MEI4: variants seen among roughly 807,000 people sequenced by gnomAD.
MEI4 encodes meiosis-specific protein MEI4.
MEI4 carries 27 observed loss-of-function variants against 31.4 expected under a neutral mutation model. The observed-to-expected ratio is 0.86, with a 90% confidence interval of 0.63 to 1.19. MEI4 has a LOEUF of 1.19. Ranked by LOEUF, MEI4 falls within the 50% of genes most tolerant of loss-of-function variation. The probability of loss-of-function intolerance (pLI) is 0.00; values close to 1 mark genes in which losing one functional copy is unlikely to be tolerated. For missense variants in MEI4, 329 were observed against 398.9 expected (o/e 0.82, Z 1.49); for synonymous variants, 122 against 145.4 (o/e 0.84, Z 1.16).
At chr6:77,870,006 A>T (rs1473678666) in intron 4 of MEI4, among the ~76,000 whole-genome samples, 1 of 152,084 alleles carries the variant, frequency 6.6e-6, no homozygotes, top group African/African-American at 2.4e-5. Flanking sequence ...GGACACAGAC[A>T]TGTCACTGTC....
intron 4 of MEI4, among the ~76,000 whole-genome samples, chr6:77,845,182 G>A (rs1168705328): frequency 1.3e-5 from 2 of 152,034 alleles, no homozygotes; most frequent in South Asian, 2.1e-4. Context: ...GTGTTGAGGC[G>A]GTCAGGTAAA....
intron 4 of MEI4, among the ~76,000 whole-genome samples, chr6:77,894,443 C>T (rs1276421367): frequency 2.0e-5 from 3 of 151,952 alleles, no homozygotes; most frequent in Non-Finnish European, 2.9e-5. Context: ...ATACGGAATA[C>T]ATACAGCTTT....
chr6:77,665,788 A>C (rs541724855), intron 1 of MEI4, among the ~76,000 whole-genome samples: 7 of 152,148 alleles, frequency 4.6e-5, no homozygotes, highest in Non-Finnish European at 8.8e-5. Flanking sequence ...GAAGAGTGGA[A>C]AGAAGAAAGT....
At chr6:77,901,633 T>C (rs1766190818) in intron 4 of MEI4, among the ~76,000 whole-genome samples, 1 of 152,086 alleles carries the variant, frequency 6.6e-6, no homozygotes, top group South Asian at 2.1e-4. Flanking sequence ...AGGTATATGA[T>C]TTGAATATAT....
chr6:77,742,578 T>C (rs1767444354), intron 2 of MEI4, among the ~76,000 whole-genome samples: 1 of 152,230 alleles, frequency 6.6e-6, no homozygotes, highest in African/African-American at 2.4e-5. Context: ...GGTTGCCTAT[T>C]CACTCTGACG....
intron 4 of MEI4, among the ~76,000 whole-genome samples, chr6:77,849,561 G>A (rs540383570): frequency 4.6e-5 from 7 of 152,238 alleles, no homozygotes; most frequent in African/African-American, 7.2e-5. Flanking sequence ...TTATATAAGC[G>A]TTAGTTTCTT....
At position 77,922,373 on chromosome 6, in the gene MEI4, A is replaced by ATAAAC. The variant is rs1319660644; in HGVS notation, c.901-713_901-709dup. ...CCATTTCCTTGACTGTGGAATAGTG[A>ATAAAC]TAAACTATCTGCTCACCTCATAGGG... is the stretch of plus-strand genomic sequence containing the variant. On this transcript the variant is annotated intron_variant, in intron 4 of 4. Transcript: ENST00000684080. Among the ~76,000 whole-genome samples, 3 of 151,710 alleles carry ATAAAC rather than the reference A, an allele frequency of 2.0e-5. No homozygotes were observed. In the Admixed American group the frequency reaches 2.0e-4, roughly 10 times the overall value.
At chr6:77,749,558 A>C (rs1247822163) in intron 2 of MEI4, among the ~76,000 whole-genome samples, 1 of 152,326 alleles carries the variant, frequency 6.6e-6, no homozygotes, top group East Asian at 1.9e-4. Flanking sequence ...GTGAGAAAAC[A>C]AGATTAGAGA....
Position 77,736,624 on chromosome 6 carries a change from C to T in MEI4, c.233-24506C>T, listed in dbSNP as rs150025843. ...GTCGCTCATGCTGGGAGCTGTAGACCGGAGCTGTTCCTATTCGGCCATTTT... is the reference window on the plus strand; with the variant it reads ...GTCGCTCATGCTGGGAGCTGTAGACTGGAGCTGTTCCTATTCGGCCATTTT... On this transcript the variant is annotated intron_variant, in intron 2 of 4. Coordinates refer to ENST00000684080, the MANE Select transcript of MEI4 (RefSeq NM_001322247.2). 2.7e-3 allele frequency among the ~76,000 whole-genome samples: 411 copies of T among 152,154 alleles called. 3 individuals are homozygous for T. Among genetic ancestry groups the T allele is most frequent in the South Asian group, 3.9e-3 (19 of 4,826 alleles).
intron 4 of MEI4, among the ~76,000 whole-genome samples, chr6:77,854,965 AT>A (rs1350207507): frequency 8.1e-6 from 1 of 122,968 alleles, no homozygotes; most frequent in African/African-American, 3.1e-5. Context: ...CAAAATAATA[AT>A]AATAGACATT....
intron 3 of MEI4, among the ~76,000 whole-genome samples, chr6:77,789,639 A>G (rs1464564299): frequency 2.0e-5 from 3 of 152,200 alleles, no homozygotes; most frequent in African/African-American, 7.2e-5. Flanking sequence ...ATGCAGCCAA[A>G]AGGCACATGA....
chr6:77,716,125 T>C (rs892263117), intron 2 of MEI4, among the ~76,000 whole-genome samples: 7 of 152,350 alleles, frequency 4.6e-5, no homozygotes, highest in African/African-American at 1.7e-4. Context: ...AAAACAGATA[T>C]GGCACTTTCT....
At chr6:77,742,930 T>C (rs577168584) in intron 2 of MEI4, among the ~76,000 whole-genome samples, 1 of 152,254 alleles carries the variant, frequency 6.6e-6, no homozygotes, top group African/African-American at 2.4e-5. Flanking sequence ...TAGATAGTTG[T>C]AGATATGCGG....
intron 2 of MEI4, among the ~76,000 whole-genome samples, chr6:77,736,754 G>A (rs1434100581): frequency 6.6e-6 from 1 of 151,990 alleles, no homozygotes; most frequent in Non-Finnish European, 1.5e-5. Flanking sequence ...GTCTAGTGAG[G>A]GTAAGATTAC....
At chr6:77,755,849 T>TGC (rs1216995459) in intron 2 of MEI4, among the ~76,000 whole-genome samples, 4 of 150,056 alleles carry the variant, frequency 2.7e-5, no homozygotes, top group South Asian at 2.1e-4. Flanking sequence ...TGTGTGTGTG[T>TGC]GTGTGTATTT....
intron 3 of MEI4, among the ~76,000 whole-genome samples, chr6:77,768,395 T>C (rs1768226779): frequency 6.6e-6 from 1 of 152,088 alleles, no homozygotes; most frequent in South Asian, 2.1e-4. Context: ...AATTATATTA[T>C]GTGTAAAAAT....
intron 4 of MEI4, among the ~76,000 whole-genome samples, chr6:77,872,520 A>G (rs937475610): frequency 6.6e-6 from 1 of 152,030 alleles, no homozygotes; most frequent in Admixed American, 6.5e-5. Context: ...AAGGTGGCAG[A>G]GTTGTTATTT....
chr6:77,748,279 C>G (rs186779637), intron 2 of MEI4, among the ~76,000 whole-genome samples: 39 of 152,366 alleles, frequency 2.6e-4, no homozygotes, highest in Non-Finnish European at 3.1e-4. Flanking sequence ...CTGCAGCAGA[C>G]TTCTGCCTGG....
chr6:77,711,220 G>T (rs1766457689), intron 2 of MEI4, among the ~76,000 whole-genome samples: 1 of 152,228 alleles, frequency 6.6e-6, no homozygotes, highest in Non-Finnish European at 1.5e-5. Flanking sequence ...CATGAAAATT[G>T]CCAAGAGTAG....
Sources: allele counts gnomAD v4.1 joint callset (sites outside exome capture counted in the v4.1 genomes callset), GRCh38; gene constraint gnomAD v4.1.1; transcripts MANE v1.5; gene names NCBI Gene and HGNC (gene_info 2026-07-23, HGNC 2026-07-21).